The following MAST4 variants were observed in gnomAD, a reference collection of about 807,000 sequenced individuals.
The protein encoded by MAST4 is microtubule associated serine/threonine kinase family member 4.
Under a neutral mutation model 162.7 loss-of-function variants are expected in MAST4, and 89 were observed. The observed-to-expected ratio is 0.55, with a 90% CI of 0.46 to 0.65. The LOEUF is 0.65. Among genes scored for constraint, MAST4 ranks in the 30% least tolerant of loss-of-function variants. MAST4 has a pLI of 0.00. For missense variants in MAST4, 3,153 were observed against 3,374.0 expected (o/e 0.93, Z 1.62); for synonymous variants, 1,479 against 1,361.1 (o/e 1.09, Z -1.91).
chr5:66,619,500 C>A (rs13160373), intron 1 of MAST4, among the ~76,000 whole-genome samples: 29,962 of 152,014 alleles, frequency 0.2, 3,135 homozygotes, highest in South Asian at 0.31. Context: ...ATGATACATT[C>A]TCCTCATATA....
intron 2 of MAST4, among the ~76,000 whole-genome samples, chr5:66,779,167 CAT>C (rs1754736119): frequency 2.0e-5 from 3 of 152,178 alleles, no homozygotes; most frequent in Admixed American, 2.0e-4. Flanking sequence ...CTTGTGGAAA[CAT>C]AGTTTAGCAA....
intron 4 of MAST4, among the ~76,000 whole-genome samples, chr5:66,935,982 C>T (rs1037653785): frequency 1.2e-4 from 18 of 152,160 alleles, no homozygotes; most frequent in African/African-American, 4.3e-4. Flanking sequence ...GTCTTTAATC[C>T]TAAGGTCAGG....
chr5:67,109,778 A>G (rs1183807871), intron 10 of MAST4, among the ~76,000 whole-genome samples: 1 of 152,144 alleles, frequency 6.6e-6, no homozygotes, highest in East Asian at 1.9e-4. Flanking sequence ...CTCTACTTGT[A>G]CCGTGTGCTT....
Position 66,753,821 on chromosome 5 carries a change from T to C in MAST4, c.364-5888T>C, listed in dbSNP as rs201396471. Among the ~76,000 whole-genome samples the C allele has an allele frequency of 2.1e-4, 32 of 150,622 alleles. No homozygotes were observed. In the East Asian group the frequency reaches 5.6e-3, roughly 26 times the overall value. On this transcript the variant is annotated intron_variant, in intron 1 of 28. Transcript: ENST00000403625. ...TTTGATGAGGCCAGCATCATCCTGA[T>C]ACCAAAGCCAGGCAGAGACACAACC...
intron 4 of MAST4, among the ~76,000 whole-genome samples, chr5:66,933,666 G>C (rs1184971898): frequency 6.6e-6 from 1 of 152,056 alleles, no homozygotes; most frequent in East Asian, 1.9e-4. Context: ...GTTCATTATG[G>C]AGTACCTAAT....
intron 3 of MAST4, among the ~76,000 whole-genome samples, chr5:66,794,146 TA>T (rs1184574525): frequency 2.0e-5 from 3 of 152,260 alleles, no homozygotes; most frequent in African/African-American, 7.2e-5. Context: ...ACTAAGAAGC[TA>T]TTCTTCAAGC....
At chr5:66,823,223 A>G (rs938527686) in intron 3 of MAST4, among the ~76,000 whole-genome samples, 8 of 152,308 alleles carry the variant, frequency 5.3e-5, no homozygotes, top group African/African-American at 1.2e-4. Context: ...CTGTGAGTCA[A>G]TTAAACCTGT....
intron 4 of MAST4, among the ~76,000 whole-genome samples, chr5:66,930,370 C>A (rs970347988): frequency 9.2e-5 from 14 of 152,110 alleles, no homozygotes; most frequent in Admixed American, 3.9e-4. Flanking sequence ...GAGTAGAAAA[C>A]AGAAGTATGT....
intron 9 of MAST4, among the ~76,000 whole-genome samples, chr5:67,103,561 T>C (rs1040208242): frequency 3.9e-5 from 6 of 152,106 alleles, no homozygotes; most frequent in African/African-American, 1.2e-4. Context: ...ATATAATTAA[T>C]GTAAGCAAGG....
chr5:66,943,678 GA>G (rs1439315221), intron 4 of MAST4, among the ~76,000 whole-genome samples: 1 of 151,890 alleles, frequency 6.6e-6, no homozygotes, highest in Non-Finnish European at 1.5e-5. Flanking sequence ...GTATTTATTT[GA>G]ATAATTTTAT....
chr5:66,635,975 T>TTCTC (rs1386965157), intron 1 of MAST4, among the ~76,000 whole-genome samples: 1 of 113,512 alleles, frequency 8.8e-6, no homozygotes, highest in African/African-American at 3.9e-5. Context: ...TTTTTTTTTT[T>TTCTC]CGAGACAGAG....
intron 4 of MAST4, among the ~76,000 whole-genome samples, chr5:67,044,990 G>A (rs778734789): frequency 6.6e-6 from 1 of 152,144 alleles, no homozygotes; most frequent in Non-Finnish European, 1.5e-5. Flanking sequence ...TCTTAGCTAT[G>A]TACATTGCCT....
At chr5:67,061,084 T>C (rs1265473626) in intron 5 of MAST4, among the ~76,000 whole-genome samples, 2 of 152,236 alleles carry the variant, frequency 1.3e-5, no homozygotes, top group African/African-American at 2.4e-5. Context: ...ATAAATCCTC[T>C]ATTAACCCAT....
At chr5:66,656,312 A>C (rs536623177) in intron 1 of MAST4, among the ~76,000 whole-genome samples, 1 of 152,346 alleles carries the variant, frequency 6.6e-6, no homozygotes, top group East Asian at 1.9e-4. Flanking sequence ...ATCTTCCATA[A>C]AATTTGCCTT....
intron 1 of MAST4, among the ~76,000 whole-genome samples, chr5:66,685,611 A>G (rs1447121093): frequency 6.6e-6 from 1 of 152,194 alleles, no homozygotes; most frequent in Non-Finnish European, 1.5e-5. Context: ...GTGATTAAGT[A>G]GGTGTTTCAT....
At chr5:67,036,229 C>A (rs1426672513) in intron 4 of MAST4, among the ~76,000 whole-genome samples, 1 of 152,030 alleles carries the variant, frequency 6.6e-6, no homozygotes, top group Non-Finnish European at 1.5e-5. Context: ...ACCCATTGCC[C>A]ACCCTCTCTA....
Position 67,166,472 on chromosome 5 carries a change from A to G in MAST4, c.7293A>G (p.Ala2431=). The change falls in exon 29 of 29, where the codon GCA becomes GCG. Residue 2431 remains alanine (A), a synonymous_variant. Coordinates refer to ENST00000403625, the MANE Select transcript of MAST4 (RefSeq NM_001164664.2). ...GTCCCCAGAAGCCACCGACGGAGGC[A>G]GACAAGCCCAATGGCATGAAACGGT... ...GPGPQKPPTE[A]DKPNGMKRSP... is the part of the protein sequence containing the mutation. The G allele has an allele frequency of 1.9e-6, 3 of 1,603,106 alleles. No homozygotes were observed. The highest frequency in any genetic ancestry group is 1.7e-5 in the Admixed American group (1 of 58,748).
chr5:66,759,888 G>A, intron 2 of MAST4, 26 bp downstream of exon 2: 1 of 1,612,394 alleles, frequency 6.2e-7, no homozygotes, highest in South Asian at 1.1e-5. Flanking sequence ...TTGGATGAGA[G>A]AAGGAATTGC....
intron 3 of MAST4, among the ~76,000 whole-genome samples, chr5:66,815,767 T>C (rs1033863751): frequency 1.1e-4 from 17 of 152,214 alleles, no homozygotes; most frequent in African/African-American, 4.1e-4. Flanking sequence ...ACAGGATACA[T>C]ACATCCTTTT....
Sources: gnomAD v4.1 joint callset for allele counts (sites outside exome capture counted in the v4.1 genomes callset) on GRCh38, gnomAD v4.1.1 for gene constraint, MANE v1.5 for transcripts, NCBI Gene and HGNC (gene_info 2026-07-23, HGNC 2026-07-21) for gene names.